The following JPH2 variants were observed in gnomAD, a reference collection of about 807,000 sequenced individuals.
JPH2 encodes the protein junctophilin 2.
In JPH2, 38 loss-of-function variants were observed where a neutral mutation model predicts 55.9. The observed-to-expected ratio is 0.68, with a 90% CI of 0.52 to 0.89. The LOEUF is 0.89. Ranked by LOEUF, JPH2 falls within the 40% of genes least tolerant of loss-of-function variation. The probability of loss-of-function intolerance (pLI) is 0.00; values close to 1 mark genes in which losing one functional copy is unlikely to be tolerated. For synonymous variants in JPH2, 480 were observed against 472.4 expected (o/e 1.02, Z -0.21); for missense variants, 964 against 1,037.6 (o/e 0.93, Z 0.97).
At chr20:44,137,616 GC>G (rs1484679061) in intron 2 of JPH2, among the ~76,000 whole-genome samples, 1 of 152,220 alleles carries the variant, frequency 6.6e-6, no homozygotes, top group Non-Finnish European at 1.5e-5. Flanking sequence ...ACCAGGCGGG[GC>G]CGAACCCAGC....
chr20:44,115,692 CGCCAGTGCG>C lies in JPH2; in HGVS notation c.1974_1982del (p.Leu660_Ala662del). 1 of 1,613,144 alleles carries C rather than the reference CGCCAGTGCG, an allele frequency of 6.2e-7. No homozygotes were observed. The highest frequency in any genetic ancestry group is 1.1e-5 in the South Asian group (1 of 91,040). The stretch of plus-strand genomic sequence containing the variant: ...CTTCCACCTCCACCTCCGCCTCTGC[CGCCAGTGCG>C]GCCTCCTTCCGCGCCTTCTTCTTGG... On this transcript the variant is annotated inframe_deletion, in exon 4 of 6. Coordinates refer to ENST00000372980, the MANE Select transcript of JPH2 (RefSeq NM_020433.5).
intron 1 of JPH2, among the ~76,000 whole-genome samples, chr20:44,173,453 C>CT (rs1174002784): frequency 6.6e-6 from 1 of 152,114 alleles, no homozygotes; most frequent in Non-Finnish European, 1.5e-5. Context: ...TTCCCTCTCC[C>CT]TAGCCCCCTG....
chr20:44,167,207 G>A (rs541347568), intron 1 of JPH2, among the ~76,000 whole-genome samples: 11 of 152,268 alleles, frequency 7.2e-5, no homozygotes, highest in Admixed American at 6.5e-4. Context: ...TTCCACAGGT[G>A]CCATTGAATA....
At chr20:44,158,472 C>A (rs763483165) in intron 2 of JPH2, among the ~76,000 whole-genome samples, 16 of 152,222 alleles carry the variant, frequency 1.1e-4, no homozygotes, top group Admixed American at 8.5e-4. Flanking sequence ...CTTAGCTCAT[C>A]TGCAAAACAG....
In JPH2 at chr20:44,118,486, C is replaced by T. The variant is rs1470073477; in HGVS notation, c.1288+19G>A. 12 of 1,595,210 alleles carry T rather than the reference C, an allele frequency of 7.5e-6. No homozygotes were observed. The highest frequency in any genetic ancestry group is 1.0e-5 in the Non-Finnish European group (12 of 1,165,418). ...TAGGGATAGCCCTACCCTGCCCATCCTTCCCTGGCTGGCCCTACCTGGCTG... is the reference window on the plus strand; with the variant it reads ...TAGGGATAGCCCTACCCTGCCCATCTTTCCCTGGCTGGCCCTACCTGGCTG... On this transcript the variant is annotated intron_variant, in intron 3 of 5. Coordinates refer to ENST00000372980, the MANE Select transcript of JPH2 (RefSeq NM_020433.5).
At chr20:44,175,094 C>T (rs538189078) in intron 1 of JPH2, among the ~76,000 whole-genome samples, 22 of 152,126 alleles carry the variant, frequency 1.4e-4, no homozygotes, top group Admixed American at 2.6e-4. Context: ...CACCTTTGTC[C>T]GGTCTCCCCA....
chr20:44,173,454 T>C (rs1451963793), intron 1 of JPH2, among the ~76,000 whole-genome samples: 2 of 152,100 alleles, frequency 1.3e-5, no homozygotes, highest in African/African-American at 4.8e-5. Context: ...TCCCTCTCCC[T>C]AGCCCCCTGC....
chr20:44,162,627 C>T (rs995808823), intron 1 of JPH2, among the ~76,000 whole-genome samples: 1 of 151,360 alleles, frequency 6.6e-6, no homozygotes, highest in Non-Finnish European at 1.5e-5. Context: ...TGCCCTCGAA[C>T]ATCAGACTCC....
chr20:44,178,797 C>T (rs1360137604), intron 1 of JPH2, among the ~76,000 whole-genome samples: 1 of 152,126 alleles, frequency 6.6e-6, no homozygotes, highest in East Asian at 1.9e-4. Context: ...TAAAGATAGA[C>T]AAACTGATCA....
At chr20:44,173,984 A>G (rs2072716325) in intron 1 of JPH2, among the ~76,000 whole-genome samples, 1 of 152,196 alleles carries the variant, frequency 6.6e-6, no homozygotes, top group Non-Finnish European at 1.5e-5. Context: ...TAAGTAATCC[A>G]TCACATAGGC....
At position 44,109,645 on chromosome 20, in the gene JPH2, G is replaced by A. The variant is rs2072128204; in HGVS notation, c.*3873C>T. 6.6e-6 allele frequency among the ~76,000 whole-genome samples: 1 copy of A among 152,160 alleles called. No homozygotes were observed. The highest frequency in any genetic ancestry group is 1.5e-5 in the Non-Finnish European group (1 of 68,028). On this transcript the variant is annotated 3_prime_UTR_variant, in exon 6 of 6. Transcript: ENST00000372980. ...TTTTGCACAAAACAAGAACCTAAGA[G>A]CTATTTTAATTTCAGCATACATGCA...
intron 2 of JPH2, among the ~76,000 whole-genome samples, chr20:44,129,559 AAAAAAAAAAAC>A: frequency 8.4e-6 from 1 of 119,272 alleles, no homozygotes; most frequent in African/African-American, 3.0e-5. Flanking sequence ...TCTCAAAAAA[AAAAAAAAAAAC>A]AAAAAAAACA....
At chr20:44,185,904 G>A (rs929651910) in intron 1 of JPH2, among the ~76,000 whole-genome samples, 5 of 152,010 alleles carry the variant, frequency 3.3e-5, no homozygotes, top group Non-Finnish European at 7.4e-5. Flanking sequence ...ATGGGTGGAT[G>A]GATGGATGGG....
At chr20:44,185,528 G>A (rs2072828530) in intron 1 of JPH2, among the ~76,000 whole-genome samples, 1 of 151,908 alleles carries the variant, frequency 6.6e-6, no homozygotes, top group Non-Finnish European at 1.5e-5. Context: ...CCAATTACTA[G>A]GGAAGCTGAG....
At chr20:44,164,703 CAAACAAACA>C (rs1569213313) in intron 1 of JPH2, among the ~76,000 whole-genome samples, 115 of 150,618 alleles carry the variant, frequency 7.6e-4, no homozygotes, top group African/African-American at 2.6e-3. Context: ...AACAAACAAA[CAAACAAACA>C]AACAAACCTA....
Position 44,160,022 on chromosome 20 carries a change from C to G in JPH2, c.765G>C (p.Ser255=). 1 of 1,566,648 alleles carries G rather than the reference C, an allele frequency of 6.4e-7. No homozygotes were observed. Among genetic ancestry groups the G allele is most frequent in the Non-Finnish European group, 8.6e-7 (1 of 1,163,380 alleles). ...RVSFLKSDLS[S]GASDAASTAS... Reference sequence around the variant, plus strand: ...CGGTGGACGCGGCGTCGCTGGCGCCCGAGCTGAGGTCGCTCTTAAGGAAGC... The same window carrying G: ...CGGTGGACGCGGCGTCGCTGGCGCCGGAGCTGAGGTCGCTCTTAAGGAAGC... The change falls in exon 2 of 6, where the codon TCG becomes TCC. Residue 255 remains serine (S), a synonymous_variant. Coordinates refer to ENST00000372980, the MANE Select transcript of JPH2 (RefSeq NM_020433.5). The surrounding 1 kb of genome is among the most constrained non-coding windows in gnomAD (Gnocchi z 4.9).
chr20:44,171,182 G>C (rs2072694890), intron 1 of JPH2, among the ~76,000 whole-genome samples: 1 of 152,216 alleles, frequency 6.6e-6, no homozygotes, highest in South Asian at 2.1e-4. Flanking sequence ...ATTTAGCGGG[G>C]AGTGCTCTCA....
rs765198116 is a variant in JPH2 at position 44,162,787 on chromosome 20, T to TACACACAC, written c.380-2388_380-2381dup. ...ATATATATATATATATATATATATA[T>TACACACAC]ACACACACACACACACACACACACA... On this transcript the variant is annotated intron_variant, in intron 1 of 5. Coordinates refer to ENST00000372980, the MANE Select transcript of JPH2 (RefSeq NM_020433.5). Among the ~76,000 whole-genome samples, 202 of 40,986 alleles carry TACACACAC rather than the reference T, an allele frequency of 4.9e-3. 4 individuals are homozygous for TACACACAC. The highest frequency in any genetic ancestry group is 0.017 in the African/African-American group (138 of 8,092). The allele number at this position is 40,986 out of a possible 152,430, so 26.9% of individuals were successfully genotyped here.
At chr20:44,134,359 T>TAATAA (rs1159244457) in intron 2 of JPH2, among the ~76,000 whole-genome samples, 248 of 1,844 alleles carry the variant, frequency 0.13, 28 homozygotes, top group Middle Eastern at 0.5. Context: ...TATAAATATA[T>TAATAA]ATATTTATTA....
Sources: allele counts gnomAD v4.1 joint callset (sites outside exome capture counted in the v4.1 genomes callset), GRCh38; gene constraint gnomAD v4.1.1; non-coding constraint Gnocchi (gnomAD v3.1); transcripts MANE v1.5; gene names NCBI Gene and HGNC (gene_info 2026-07-23, HGNC 2026-07-21).